The following LRRTM4 variants were observed in gnomAD, a reference collection of about 807,000 sequenced individuals.
The protein encoded by LRRTM4 is leucine rich repeat transmembrane neuronal 4, also known as leucine-rich repeat transmembrane neuronal protein 4.
Under a neutral mutation model 47.6 loss-of-function variants are expected in LRRTM4, and 25 were observed. That is an observed-to-expected ratio of 0.53 (90% confidence interval 0.38 to 0.73). LRRTM4 has a LOEUF of 0.73. LRRTM4 is among the 30% of genes least tolerant of loss of function. LRRTM4 has a pLI of 0.00. For missense variants in LRRTM4, 638 were observed against 713.4 expected (o/e 0.89, Z 1.20); for synonymous variants, 311 against 269.5 (o/e 1.15, Z -1.51).
At chr2:76,958,632 T>C (rs75431348) in intron 3 of LRRTM4, among the ~76,000 whole-genome samples, 2,658 of 151,814 alleles carry the variant, frequency 0.018, 66 homozygotes, top group African/African-American at 0.056. Context: ...TCTTCATAAC[T>C]CTTGAATTTC....
chr2:76,947,089 G>C (rs76679244), intron 3 of LRRTM4, among the ~76,000 whole-genome samples: 3,488 of 151,936 alleles, frequency 0.023, 165 homozygotes, highest in African/African-American at 0.08. Flanking sequence ...GAAGTATTTA[G>C]ATTTGAATGG....
At chr2:77,090,073 T>C (rs13407640) in intron 3 of LRRTM4, among the ~76,000 whole-genome samples, 67,805 of 151,774 alleles carry the variant, frequency 0.45, 17,955 homozygotes, top group African/African-American at 0.73. Context: ...CTCGCCAGGC[T>C]GAGCTAGGTC....
intron 3 of LRRTM4, among the ~76,000 whole-genome samples, chr2:77,090,985 C>T (rs1401074200): frequency 3.3e-5 from 5 of 152,180 alleles, no homozygotes; most frequent in African/African-American, 7.2e-5. Flanking sequence ...TTTTCAAGGG[C>T]CTGTTTCCCT....
At chr2:76,807,704 G>T (rs372603189) in intron 3 of LRRTM4, among the ~76,000 whole-genome samples, 1 of 150,386 alleles carries the variant, frequency 6.6e-6, no homozygotes, top group Non-Finnish European at 1.5e-5. Context: ...AGATTCTTCT[G>T]CCTCAGCCTC....
rs1394053583 is a variant in LRRTM4, at chr2:76,748,788, G to T, written c.1680C>A (p.Ser560Arg). 3.1e-6 allele frequency: 5 copies of T among 1,614,014 alleles called. No individual in the cohort carries two copies. In the African/African-American group the frequency reaches 5.3e-5, roughly 17 times the overall value. ...GGTCTCGGCCCAGCTCCAGGCCGGG[G>T]CTTTCGTCCTGCTCTGGAGACACTG... The part of the protein sequence containing the change: ...YETVSPEQDE[S>R]PGLELGRDHS... The change falls in exon 4 of 4, where the codon AGC (serine) becomes AGA (arginine). Residue 560 changes from serine (S) to arginine (R), a missense_variant. Coordinates refer to ENST00000409884, the MANE Select transcript of LRRTM4 (RefSeq NM_001134745.3).
At chr2:77,372,512 T>G (rs1030136507) in intron 3 of LRRTM4, among the ~76,000 whole-genome samples, 1 of 151,690 alleles carries the variant, frequency 6.6e-6, no homozygotes. Flanking sequence ...GGAATGCCCT[T>G]ACTAATAAAT....
intron 3 of LRRTM4, among the ~76,000 whole-genome samples, chr2:77,289,393 A>G (rs1362124133): frequency 2.6e-5 from 4 of 152,024 alleles, no homozygotes; most frequent in African/African-American, 9.7e-5. Flanking sequence ...CATTAACTAC[A>G]TGTTTATACT....
intron 3 of LRRTM4, among the ~76,000 whole-genome samples, chr2:76,878,805 C>G (rs759560253): frequency 2.0e-5 from 3 of 151,858 alleles, no homozygotes; most frequent in African/African-American, 7.3e-5. Context: ...ACCCAGGAGG[C>G]GGAACTTGTG....
chr2:76,905,496 C>T (rs187488812), intron 3 of LRRTM4, among the ~76,000 whole-genome samples: 2,228 of 152,166 alleles, frequency 0.015, 70 homozygotes, highest in South Asian at 0.074. Flanking sequence ...AAAAGCTGGA[C>T]GGAGAATGAC....
intron 3 of LRRTM4, among the ~76,000 whole-genome samples, chr2:77,177,736 ATTTC>A (rs1293861743): frequency 1.3e-5 from 2 of 152,162 alleles, no homozygotes. Flanking sequence ...TGACTGAGTG[ATTTC>A]TTAAGGACTT....
chr2:77,470,511 C>A (rs1677149903), intron 3 of LRRTM4, among the ~76,000 whole-genome samples: 2 of 152,160 alleles, frequency 1.3e-5, no homozygotes, highest in Non-Finnish European at 2.9e-5. Flanking sequence ...TGAAGACACA[C>A]TGAGCAGAAA....
chr2:77,088,386 C>A (rs980564525), intron 3 of LRRTM4, among the ~76,000 whole-genome samples: 1 of 152,130 alleles, frequency 6.6e-6, no homozygotes. Context: ...ATGACCGGTC[C>A]TTGCCTTAAG....
At chr2:77,248,200 TA>T (rs1313033178) in intron 3 of LRRTM4, among the ~76,000 whole-genome samples, 1 of 151,506 alleles carries the variant, frequency 6.6e-6, no homozygotes, top group African/African-American at 2.4e-5. Context: ...AATATATGAA[TA>T]CAAAATAATT....
intron 3 of LRRTM4, among the ~76,000 whole-genome samples, chr2:77,426,558 G>A (rs1350912668): frequency 6.6e-6 from 1 of 152,014 alleles, no homozygotes. Context: ...ACATGCCCTG[G>A]GAGGCACCCA....
At chr2:76,916,204 A>C (rs933904181) in intron 3 of LRRTM4, among the ~76,000 whole-genome samples, 13 of 152,058 alleles carry the variant, frequency 8.5e-5, no homozygotes, top group Admixed American at 3.9e-4. Context: ...TAACATGAAC[A>C]CAAGTTTAAA....
intron 3 of LRRTM4, among the ~76,000 whole-genome samples, chr2:77,432,729 G>T (rs1373194596): frequency 6.6e-6 from 1 of 152,176 alleles, no homozygotes; most frequent in African/African-American, 2.4e-5. Context: ...TTATATGTGT[G>T]TATATAGATA....
intron 3 of LRRTM4, among the ~76,000 whole-genome samples, chr2:77,045,553 T>C (rs530049725): frequency 2.0e-5 from 3 of 152,044 alleles, no homozygotes; most frequent in African/African-American, 7.2e-5. Context: ...TGGGAGGTAA[T>C]TGAATCGTGA....
intron 3 of LRRTM4, among the ~76,000 whole-genome samples, chr2:77,448,809 A>C (rs750077267): frequency 2.6e-5 from 4 of 152,168 alleles, no homozygotes; most frequent in Non-Finnish European, 5.9e-5. Context: ...CGTGTACCTA[A>C]CAAAGTTAAG....
At chr2:76,815,561 A>T (rs1440655613) in intron 3 of LRRTM4, among the ~76,000 whole-genome samples, 1 of 152,142 alleles carries the variant, frequency 6.6e-6, no homozygotes, top group Non-Finnish European at 1.5e-5. Flanking sequence ...CAAAGTTAGT[A>T]ATCAAAGGCA....
Sources: allele counts gnomAD v4.1 joint callset (sites outside exome capture counted in the v4.1 genomes callset), GRCh38; gene constraint gnomAD v4.1.1; transcripts MANE v1.5; gene names NCBI Gene and HGNC (gene_info 2026-07-23, HGNC 2026-07-21).